NAV3: variants seen among roughly 807,000 people sequenced by gnomAD.
NAV3 encodes pore membrane and/or filament interacting like protein 1.
In NAV3, 87 loss-of-function variants were observed where a neutral mutation model predicts 244.7. The ratio of observed to expected loss-of-function variants is 0.36; its 90% confidence interval spans 0.30 to 0.42. NAV3 has a LOEUF of 0.42. Ranked by LOEUF, NAV3 falls within the 20% of genes least tolerant of loss-of-function variation. The pLI is 1.00. For missense variants in NAV3, 2,663 were observed against 2,893.3 expected (o/e 0.92, Z 1.83); for synonymous variants, 1,126 against 1,042.2 (o/e 1.08, Z -1.55).
At chr12:77,817,480 G>A (rs1011887061) in intron 2 of NAV3, among the ~76,000 whole-genome samples, 2 of 151,864 alleles carry the variant, frequency 1.3e-5, no homozygotes, top group African/African-American at 4.8e-5. Flanking sequence ...TGACAGAGTC[G>A]TTTGTTGATT....
At chr12:77,927,781 A>G (rs949205301) in intron 1 of NAV3, among the ~76,000 whole-genome samples, 3 of 152,174 alleles carry the variant, frequency 2.0e-5, no homozygotes, top group African/African-American at 7.2e-5. Flanking sequence ...TTTTTTGTAG[A>G]AGAAAAGATC....
At chr12:77,889,333 G>T (rs926927305) in intron 1 of NAV3, among the ~76,000 whole-genome samples, 1 of 152,152 alleles carries the variant, frequency 6.6e-6, no homozygotes, top group Admixed American at 6.6e-5. Flanking sequence ...TGCACCATCA[G>T]CTCTCCTGCT....
intron 2 of NAV3, among the ~76,000 whole-genome samples, chr12:77,583,452 C>T (rs1869459146): frequency 6.6e-6 from 1 of 152,064 alleles, no homozygotes; most frequent in Non-Finnish European, 1.5e-5. Flanking sequence ...TGGGGTTATA[C>T]TTTTAAAACA....
At chr12:78,153,609 T>A (rs1034000763) in intron 22 of NAV3, among the ~76,000 whole-genome samples, 19 of 152,082 alleles carry the variant, frequency 1.2e-4, no homozygotes, top group Non-Finnish European at 2.9e-5. Context: ...TAACGTATTT[T>A]CTTTACAAAT....
At chr12:77,626,463 C>T (rs117397444) in intron 2 of NAV3, among the ~76,000 whole-genome samples, 4,226 of 151,994 alleles carry the variant, frequency 0.028, 100 homozygotes, top group Middle Eastern at 0.054. Flanking sequence ...TCAAAGATTC[C>T]GAAATAGTCT....
intron 1 of NAV3, among the ~76,000 whole-genome samples, chr12:77,857,266 A>G (rs1249700002): frequency 2.0e-5 from 3 of 152,066 alleles, no homozygotes; most frequent in Non-Finnish European, 4.4e-5. Flanking sequence ...TAGAGTTTTT[A>G]TAAGAGTTAG....
chr12:77,665,248 C>T (rs1393427373), intron 2 of NAV3, among the ~76,000 whole-genome samples: 1 of 152,178 alleles, frequency 6.6e-6, no homozygotes, highest in Non-Finnish European at 1.5e-5. Context: ...ATCCCCTAAG[C>T]TCAGTCAAGG....
At chr12:77,920,489 A>G (rs1016204175) in intron 1 of NAV3, among the ~76,000 whole-genome samples, 1 of 152,042 alleles carries the variant, frequency 6.6e-6, no homozygotes, top group African/African-American at 2.4e-5. Flanking sequence ...TGACCTTTTT[A>G]CTTATAAATT....
chr12:77,678,970 C>T (rs1371980437), intron 2 of NAV3, among the ~76,000 whole-genome samples: 1 of 152,040 alleles, frequency 6.6e-6, no homozygotes, highest in Non-Finnish European at 1.5e-5. Flanking sequence ...TTAAGTATTC[C>T]ATTATCTTTT....
In NAV3 at chr12:77,748,990, C is replaced by T. The variant is rs913542121; in HGVS notation, c.72+176724C>T. Among the ~76,000 whole-genome samples the T allele has an allele frequency of 1.9e-4, 29 of 152,148 alleles. No homozygotes were observed. In the Middle Eastern group the frequency reaches 0.01, roughly 54 times the overall value. On this transcript the variant is annotated intron_variant, in intron 2 of 8. Transcript: ENST00000550042. ...TTACATTACACATGTTAAATGTATA[C>T]AATTTTATTTGTCAATTATACTTCT...
intron 8 of NAV3, among the ~76,000 whole-genome samples, chr12:78,017,955 A>T (rs1412728443): frequency 6.6e-6 from 1 of 152,174 alleles, no homozygotes; most frequent in African/African-American, 2.4e-5. Context: ...ATACTAGAGA[A>T]ACGGATGGCT....
rs143417480 is a variant in NAV3 at position 77,862,481 on chromosome 12, C to T, written c.243+30777C>T. ...TCTATAACTGATGCTGAATCCACTGCGGCCAGGCTGCAGAATCAGTTGAAT... is the reference window on the plus strand; with the variant it reads ...TCTATAACTGATGCTGAATCCACTGTGGCCAGGCTGCAGAATCAGTTGAAT... On this transcript the variant is annotated intron_variant, in intron 1 of 39. Coordinates refer to ENST00000397909, the MANE Select transcript of NAV3 (RefSeq NM_001024383.2). Among the ~76,000 whole-genome samples, 246 of 151,700 alleles carry T rather than the reference C, an allele frequency of 1.6e-3. 2 individuals are homozygous for T. The highest frequency in any genetic ancestry group is 5.1e-3 in the African/African-American group (211 of 41,466).
At chr12:77,795,122 G>A (rs1216405469) in intron 2 of NAV3, among the ~76,000 whole-genome samples, 2 of 152,286 alleles carry the variant, frequency 1.3e-5, no homozygotes, top group African/African-American at 2.4e-5. Flanking sequence ...GAGCCAGTTA[G>A]CCAAGTAGCA....
chr12:78,126,733 A>G (rs1955923968), intron 16 of NAV3, among the ~76,000 whole-genome samples: 1 of 152,190 alleles, frequency 6.6e-6, no homozygotes. Context: ...AAGACAAAAG[A>G]TAAGTATTAA....
intron 2 of NAV3, among the ~76,000 whole-genome samples, chr12:77,759,543 G>A (rs1869359087): frequency 1.3e-5 from 2 of 152,144 alleles, no homozygotes; most frequent in Non-Finnish European, 2.9e-5. Flanking sequence ...ATTGTCCTCC[G>A]ATGCCTAGAT....
intron 2 of NAV3, among the ~76,000 whole-genome samples, chr12:77,709,897 C>T (rs929347032): frequency 3.3e-5 from 5 of 152,056 alleles, no homozygotes; most frequent in Admixed American, 6.6e-5. Flanking sequence ...CTGTGCAGTC[C>T]GCCAGCACTG....
At chr12:77,746,404 G>A (rs1453522881) in intron 2 of NAV3, among the ~76,000 whole-genome samples, 3 of 152,096 alleles carry the variant, frequency 2.0e-5, no homozygotes, top group Non-Finnish European at 4.4e-5. Context: ...AAACAGTGAT[G>A]AGGGCATTGT....
At chr12:78,019,203 T>C (rs1876739967) in intron 8 of NAV3, among the ~76,000 whole-genome samples, 1 of 152,150 alleles carries the variant, frequency 6.6e-6, no homozygotes, top group Admixed American at 6.6e-5. Context: ...TCACATGAGT[T>C]AGTAACTGAT....
At chr12:77,979,786 T>A (rs1205064041) in intron 5 of NAV3, among the ~76,000 whole-genome samples, 1 of 151,980 alleles carries the variant, frequency 6.6e-6, no homozygotes, top group Non-Finnish European at 1.5e-5. Context: ...AGAGATGTTT[T>A]GTGACCCCAG....
Sources: gnomAD v4.1 joint callset for allele counts (sites outside exome capture counted in the v4.1 genomes callset) on GRCh38, gnomAD v4.1.1 for gene constraint, MANE v1.5 for transcripts, NCBI Gene and HGNC (gene_info 2026-07-23, HGNC 2026-07-21) for gene names.